ADAMTSL1: variants seen among roughly 807,000 people sequenced by gnomAD.
ADAMTSL1 encodes the protein ADAMTS like 1.
Under a neutral mutation model 201.8 loss-of-function variants are expected in ADAMTSL1, and 126 were observed. That is an observed-to-expected ratio of 0.62 (90% CI 0.54 to 0.72). The LOEUF is 0.72. Ranked by LOEUF, ADAMTSL1 falls within the 30% of genes least tolerant of loss-of-function variation. ADAMTSL1 has a pLI of 0.00. For missense variants in ADAMTSL1, 2,679 were observed against 2,277.8 expected (o/e 1.18, Z -3.59); for synonymous variants, 1,121 against 903.4 (o/e 1.24, Z -4.32).
chr9:18,137,722 A>T (rs189859314), intron 1 of ADAMTSL1, among the ~76,000 whole-genome samples: 2 of 152,346 alleles, frequency 1.3e-5, no homozygotes, highest in East Asian at 3.9e-4. Context: ...GAATGCCTAC[A>T]GTTGTAGAAT....
chr9:18,214,872 G>A (rs957440198), intron 2 of ADAMTSL1, among the ~76,000 whole-genome samples: 6 of 152,116 alleles, frequency 3.9e-5, no homozygotes, highest in African/African-American at 1.4e-4. Flanking sequence ...AGATTTACAT[G>A]TATGTGACCC....
chr9:18,275,811 G>T (rs1832564998), intron 2 of ADAMTSL1, among the ~76,000 whole-genome samples: 1 of 152,096 alleles, frequency 6.6e-6, no homozygotes, highest in African/African-American at 2.4e-5. Flanking sequence ...TAATAAAACT[G>T]TTATTACATA....
At chr9:18,774,069 T>G (rs1820842573) in intron 17 of ADAMTSL1, among the ~76,000 whole-genome samples, 1 of 152,234 alleles carries the variant, frequency 6.6e-6, no homozygotes, top group East Asian at 1.9e-4. Context: ...GATCATTTTT[T>G]GTTTGTTTTT....
At chr9:18,463,526 C>T (rs920210887) in intron 2 of ADAMTSL1, among the ~76,000 whole-genome samples, 5 of 152,110 alleles carry the variant, frequency 3.3e-5, no homozygotes, top group African/African-American at 4.8e-5. Flanking sequence ...CCCCATACCC[C>T]GTTAAACGTT....
At chr9:17,960,765 C>A (rs957459510) in intron 1 of ADAMTSL1, among the ~76,000 whole-genome samples, 16 of 152,186 alleles carry the variant, frequency 1.1e-4, no homozygotes, top group African/African-American at 3.6e-4. Context: ...ACTGCCTGCA[C>A]TTATACTTTA....
At chr9:18,004,618 C>A (rs1019740066) in intron 1 of ADAMTSL1, among the ~76,000 whole-genome samples, 1 of 152,048 alleles carries the variant, frequency 6.6e-6, no homozygotes, top group Non-Finnish European at 1.5e-5. Flanking sequence ...GATTTACTAA[C>A]CTGAGACCTG....
chr9:18,273,300 C>T (rs1460812466), intron 2 of ADAMTSL1, among the ~76,000 whole-genome samples: 2 of 152,182 alleles, frequency 1.3e-5, no homozygotes, highest in East Asian at 3.9e-4. Flanking sequence ...AGTTTAGTCT[C>T]AAACTCCCAA....
intron 20 of ADAMTSL1, among the ~76,000 whole-genome samples, chr9:18,800,377 CAAA>C (rs58346548): frequency 6.3e-4 from 38 of 60,672 alleles, no homozygotes; most frequent in African/African-American, 1.8e-3. Context: ...AACTCCATCT[CAAA>C]AAAAAAAAAA....
At chr9:18,853,916 T>TGTGTGTGTGTGTGCGC (rs1554648765) in intron 23 of ADAMTSL1, among the ~76,000 whole-genome samples, 2 of 122,668 alleles carry the variant, frequency 1.6e-5, no homozygotes, top group Non-Finnish European at 3.6e-5. Context: ...TGTGTGTGTG[T>TGTGTGTGTGTGTGCGC]GTGCGCGTGC....
intron 22 of ADAMTSL1, among the ~76,000 whole-genome samples, chr9:18,828,940 G>A (rs895181238): frequency 3.3e-5 from 5 of 151,806 alleles, no homozygotes; most frequent in African/African-American, 1.2e-4. Context: ...CATTTCAAGA[G>A]CAATACTCCT....
At chr9:18,147,408 A>G (rs989464549) in intron 1 of ADAMTSL1, among the ~76,000 whole-genome samples, 10 of 152,102 alleles carry the variant, frequency 6.6e-5, no homozygotes, top group South Asian at 2.1e-4. Flanking sequence ...CAAGATGGGA[A>G]TGGCTCACCA....
At chr9:18,724,953 C>CT (rs1817778644) in intron 15 of ADAMTSL1, among the ~76,000 whole-genome samples, 1 of 151,130 alleles carries the variant, frequency 6.6e-6, no homozygotes, top group Non-Finnish European at 1.5e-5. Context: ...GTTGCCCAGG[C>CT]TGTAGTGCAG....
chr9:18,548,373 G>T (rs763939467), intron 3 of ADAMTSL1, among the ~76,000 whole-genome samples: 1 of 151,914 alleles, frequency 6.6e-6, no homozygotes, highest in Non-Finnish European at 1.5e-5. Flanking sequence ...GTTTAAAATG[G>T]CCCCGAAGCA....
chr9:18,013,960 G>A (rs1330530946), intron 1 of ADAMTSL1, among the ~76,000 whole-genome samples: 1 of 151,906 alleles, frequency 6.6e-6, no homozygotes, highest in Non-Finnish European at 1.5e-5. Context: ...AGAACCTGGG[G>A]GCAGTTCCTT....
intron 2 of ADAMTSL1, among the ~76,000 whole-genome samples, chr9:18,206,075 A>G (rs1427673934): frequency 6.7e-6 from 1 of 148,156 alleles, no homozygotes; most frequent in Non-Finnish European, 1.5e-5. Context: ...AAAAAAAAAA[A>G]AAAAAAAAAA....
chr9:18,307,932 C>T (rs1336864070), intron 2 of ADAMTSL1, among the ~76,000 whole-genome samples: 1 of 152,012 alleles, frequency 6.6e-6, no homozygotes, highest in African/African-American at 2.4e-5. Flanking sequence ...TAAAATTGAC[C>T]ACATAATTGG....
chr9:18,028,595 G>T (rs1238650913), intron 1 of ADAMTSL1, among the ~76,000 whole-genome samples: 2 of 152,058 alleles, frequency 1.3e-5, no homozygotes, highest in African/African-American at 2.4e-5. Flanking sequence ...ATTTCTGAGG[G>T]CTCTGTTCTG....
chr9:18,487,544 AG>A (rs916989423), intron 1 of ADAMTSL1, among the ~76,000 whole-genome samples: 5 of 152,120 alleles, frequency 3.3e-5, no homozygotes, highest in African/African-American at 1.2e-4. Flanking sequence ...ACTTAGCAAA[AG>A]GGGAAAAAAA....
At position 18,906,873 on chromosome 9, in the gene ADAMTSL1, G is replaced by A. The variant is rs1830340371; in HGVS notation, c.5143G>A (p.Ala1715Thr). The A allele has an allele frequency of 1.9e-6, 3 of 1,613,980 alleles. No individual in the cohort carries two copies. Among genetic ancestry groups the A allele is most frequent in the South Asian group, 1.1e-5 (1 of 91,080 alleles). ...CCTGTGCTCCTGGGGGCCCCGGCCT[G>A]CCAACTGGCAGCGCTGCAACATCAC... ...EHLCSWGPRP[A>T]NWQRCNITPC... is the part of the protein sequence containing the mutation. The change falls in exon 28 of 29, where the codon GCC becomes ACC. Residue 1715 changes from alanine to threonine, a missense_variant. Ala to Thr is a moderately conservative substitution (Grantham distance 58). Transcript: ENST00000380548.
Sources: gnomAD v4.1 joint callset for allele counts (sites outside exome capture counted in the v4.1 genomes callset) on GRCh38, gnomAD v4.1.1 for gene constraint, MANE v1.5 for transcripts, NCBI Gene and HGNC (gene_info 2026-07-23, HGNC 2026-07-21) for gene names.